CHLSN: variants seen among roughly 807,000 people sequenced by gnomAD.
CHLSN encodes the protein cholesin, also known as protein cholesin.
the CHLSN span, among the ~76,000 whole-genome samples, chr7:1,062,787 C>T: frequency 4.6e-5 from 7 of 152,162 alleles, no homozygotes; most frequent in South Asian, 2.1e-4. Flanking sequence ...GCGGTGCGCA[C>T]GGTCCGCACT....
the CHLSN span, among the ~76,000 whole-genome samples, chr7:1,049,698 C>G: frequency 6.6e-4 from 100 of 152,346 alleles, 3 homozygotes; most frequent in South Asian, 0.019. Context: ...GTCTAACATT[C>G]CCTCATGTCA....
At chr7:1,103,876 G>A in the CHLSN span, among the ~76,000 whole-genome samples, 2 of 152,242 alleles carry the variant, frequency 1.3e-5, no homozygotes, top group East Asian at 3.9e-4. Context: ...ACCAGGCAGC[G>A]TGGAGAGCAC....
the CHLSN span, chr7:988,479 C>T: frequency 6.2e-7 from 1 of 1,604,094 alleles, no homozygotes; most frequent in Non-Finnish European, 8.5e-7. Flanking sequence ...GTGGGACGGC[C>T]CCAGCTCCGC....
chr7:1,063,648 G>T, the CHLSN span, among the ~76,000 whole-genome samples: 1 of 152,258 alleles, frequency 6.6e-6, no homozygotes, highest in Non-Finnish European at 1.5e-5. Context: ...GTGGTCTCAC[G>T]TCCTCACCTG....
chr7:1,022,119 G>T, the CHLSN span, among the ~76,000 whole-genome samples: 3 of 152,232 alleles, frequency 2.0e-5, no homozygotes, highest in Non-Finnish European at 4.4e-5. Flanking sequence ...GAGTCTGCTC[G>T]CAGACCACCA....
At chr7:1,002,339 C>T in the CHLSN span, among the ~76,000 whole-genome samples, 2,379 of 107,810 alleles carry the variant, frequency 0.022, 47 homozygotes, top group African/African-American at 0.03. Context: ...GTGTGGAGCC[C>T]TGTGGGTGGG....
At chr7:1,009,668 G>C in the CHLSN span, among the ~76,000 whole-genome samples, 1 of 152,188 alleles carries the variant, frequency 6.6e-6, no homozygotes, top group African/African-American at 2.4e-5. Context: ...CTGTGGTGAC[G>C]TACACCTGGG....
the CHLSN span, among the ~76,000 whole-genome samples, chr7:1,016,521 GCA>G: frequency 2.1e-5 from 3 of 139,740 alleles, no homozygotes; most frequent in South Asian, 4.5e-4. Context: ...GCGCACAGCA[GCA>G]CACACCAGCA....
At chr7:1,136,037 T>C in the CHLSN span, among the ~76,000 whole-genome samples, 2 of 119,076 alleles carry the variant, frequency 1.7e-5, no homozygotes, top group Non-Finnish European at 3.2e-5. Flanking sequence ...AATATATGTA[T>C]AAATATATAA....
the CHLSN span, among the ~76,000 whole-genome samples, chr7:1,004,710 C>G: frequency 6.6e-6 from 1 of 152,236 alleles, no homozygotes; most frequent in African/African-American, 2.4e-5. Context: ...GCCTCTGCCA[C>G]CCACCCTGGG....
chr7:1,039,244 T>G, the CHLSN span, among the ~76,000 whole-genome samples: 3 of 26,678 alleles, frequency 1.1e-4, no homozygotes, highest in Non-Finnish European at 1.9e-4. Flanking sequence ...GTGGGGGGGG[T>G]CAGCCCCCCC....
At chr7:1,134,709 A>C in the CHLSN span, among the ~76,000 whole-genome samples, 1,747 of 151,610 alleles carry the variant, frequency 0.012, 25 homozygotes, top group African/African-American at 0.04. Flanking sequence ...TCTACTAAAA[A>C]ATACAAAAAA....
chr7:999,372 A>G, the CHLSN span, among the ~76,000 whole-genome samples: 1 of 152,010 alleles, frequency 6.6e-6, no homozygotes, highest in Non-Finnish European at 1.5e-5. Flanking sequence ...AGTCAATTCT[A>G]CTTCCACCCT....
chr7:1,003,519 A>G, the CHLSN span, among the ~76,000 whole-genome samples: 2 of 20,078 alleles, frequency 1.0e-4, no homozygotes, highest in African/African-American at 3.2e-4. Context: ...GTGGGTGGGG[A>G]GTCCTTGGGT....
At chr7:987,299 G>C in the CHLSN span, 1 of 1,520,158 alleles carries the variant, frequency 6.6e-7, no homozygotes, top group African/African-American at 1.4e-5. Flanking sequence ...GGGACCCCCA[G>C]GGACGAGGGA....
At chr7:1,110,300 A>G in the CHLSN span, among the ~76,000 whole-genome samples, 1 of 152,242 alleles carries the variant, frequency 6.6e-6, no homozygotes, top group African/African-American at 2.4e-5. Flanking sequence ...TGTGAAAATC[A>G]GGGAGGCACG....
the CHLSN span, among the ~76,000 whole-genome samples, chr7:983,959 C>T: frequency 8.5e-5 from 13 of 152,146 alleles, no homozygotes; most frequent in African/African-American, 2.9e-4. Context: ...CAGTCAGGCC[C>T]GGGCCCTGCC....
chr7:1,091,412 C>G, the CHLSN span: 2 of 299,384 alleles, frequency 6.7e-6, no homozygotes, highest in Non-Finnish European at 1.2e-5. Flanking sequence ...TCCAGGTACC[C>G]AGAGAGTGAG....
the CHLSN span, among the ~76,000 whole-genome samples, chr7:1,111,338 G>A: frequency 7.2e-5 from 11 of 152,206 alleles, no homozygotes; most frequent in African/African-American, 9.7e-5. Context: ...GTTCTGCTGC[G>A]GCCCAGGCCT....
Sources: allele counts gnomAD v4.1 joint callset (sites outside exome capture counted in the v4.1 genomes callset), GRCh38; gene constraint gnomAD v4.1.1; transcripts MANE v1.5; gene names NCBI Gene and HGNC (gene_info 2026-07-23, HGNC 2026-07-21).